The following ATRNL1 variants were observed in gnomAD, a reference collection of about 807,000 sequenced individuals.
ATRNL1 encodes the protein attractin-like protein 1.
In ATRNL1, 95 loss-of-function variants were observed where a neutral mutation model predicts 182.7. The ratio of observed to expected loss-of-function variants is 0.52; its 90% CI spans 0.44 to 0.62. The LOEUF is 0.62. Ranked by LOEUF, ATRNL1 falls within the 20% of genes least tolerant of loss-of-function variation. The pLI is 0.00. For missense variants in ATRNL1, 1,471 were observed against 1,679.5 expected, an observed-to-expected ratio of 0.88 and a Z score of 2.17; for synonymous variants, 576 against 568.3, an observed-to-expected ratio of 1.01 and a Z score of -0.19.
chr10:115,265,174 T>A lies in ATRNL1; in HGVS notation c.1688-19T>A. 6.6e-7 allele frequency: 1 copy of A among 1,513,624 alleles called. No homozygotes were observed. The highest frequency in any genetic ancestry group is 9.1e-7 in the Non-Finnish European group (1 of 1,100,524). The allele number at this position is 1,513,624 out of a possible 1,614,324, so 93.8% of individuals were successfully genotyped here. Reference sequence around the variant, plus strand: ...ATTCTTTTATTTCATTTTTTGTTTTTCTGTTTTCTTTTTTCTAGCTTGTGA... The same window carrying A: ...ATTCTTTTATTTCATTTTTTGTTTTACTGTTTTCTTTTTTCTAGCTTGTGA... On this transcript the variant is annotated intron_variant, in intron 10 of 28. Transcript: ENST00000355044.
intron 7 of ATRNL1, among the ~76,000 whole-genome samples, chr10:115,170,518 C>T (rs1847246289): frequency 6.7e-6 from 1 of 149,964 alleles, no homozygotes; most frequent in African/African-American, 2.5e-5. Context: ...TGGTGAAGAG[C>T]ACGTGATGAA....
chr10:115,797,306 A>T (rs1949676763), intron 27 of ATRNL1, among the ~76,000 whole-genome samples: 1 of 152,126 alleles, frequency 6.6e-6, no homozygotes, highest in Admixed American at 6.5e-5. Flanking sequence ...CTAAAATATG[A>T]CACCTTTTCC....
chr10:115,396,250 T>G (rs797030007), intron 20 of ATRNL1, among the ~76,000 whole-genome samples: 35 of 152,014 alleles, frequency 2.3e-4, no homozygotes, highest in African/African-American at 7.7e-4. Flanking sequence ...GGAATTCCTA[T>G]TAAGGAAGGC....
intron 5 of ATRNL1, among the ~76,000 whole-genome samples, chr10:115,144,572 C>T (rs999329897): frequency 6.6e-6 from 1 of 152,144 alleles, no homozygotes; most frequent in African/African-American, 2.4e-5. Flanking sequence ...GGATTACAGA[C>T]GTGAGCCACC....
intron 24 of ATRNL1, among the ~76,000 whole-genome samples, chr10:115,474,083 C>T (rs1848425643): frequency 6.6e-6 from 1 of 151,200 alleles, no homozygotes; most frequent in Admixed American, 6.6e-5. Context: ...TTTATTATTT[C>T]CTTCCATCTG....
intron 24 of ATRNL1, among the ~76,000 whole-genome samples, chr10:115,500,118 T>G (rs1849746936): frequency 6.6e-6 from 1 of 152,088 alleles, no homozygotes; most frequent in East Asian, 1.9e-4. Context: ...CCTGGATAAT[T>G]GACGTAGGCC....
rs1952710438 is a variant in ATRNL1, at chr10:115,912,416, T to TATTTG, written c.4019-32242_4019-32241insATTTG. Among the ~76,000 whole-genome samples, 135 of 148,192 alleles carry TATTTG rather than the reference T, an allele frequency of 9.1e-4. 1 individual carries two copies. Among genetic ancestry groups the TATTTG allele is most frequent in the African/African-American group, 2.4e-3 (97 of 40,050 alleles). On this transcript the variant is annotated intron_variant, in intron 28 of 28. Transcript: ENST00000355044. Reference sequence around the variant, plus strand: ...GTGAAATACATATATATATATATATTTGTGTGTGTGTGTGTGTGTGTGTGC... The same window carrying TATTTG: ...GTGAAATACATATATATATATATATTATTTGTGTGTGTGTGTGTGTGTGTGTGTGC...
intron 5 of ATRNL1, among the ~76,000 whole-genome samples, chr10:115,134,827 C>T (rs982714076): frequency 7.9e-5 from 12 of 152,270 alleles, no homozygotes; most frequent in African/African-American, 2.9e-4. Flanking sequence ...CATCAAAAAG[C>T]TTATCCACCA....
chr10:115,427,775 A>C (rs1845971018), intron 21 of ATRNL1, among the ~76,000 whole-genome samples: 1 of 151,988 alleles, frequency 6.6e-6, no homozygotes, highest in Non-Finnish European at 1.5e-5. Context: ...CTGTTTCTTT[A>C]ATCTATTTGC....
At chr10:115,526,317 A>G (rs1479905916) in intron 25 of ATRNL1, among the ~76,000 whole-genome samples, 1 of 152,146 alleles carries the variant, frequency 6.6e-6, no homozygotes, top group Admixed American at 6.5e-5. Flanking sequence ...TTCTGCTATC[A>G]GTCATCAGGG....
At chr10:115,103,059 A>T (rs868921719) in intron 1 of ATRNL1, among the ~76,000 whole-genome samples, 11 of 129,618 alleles carry the variant, frequency 8.5e-5, no homozygotes, top group African/African-American at 2.7e-4. Flanking sequence ...TTTTTTTGAG[A>T]TGGAGTCATG....
chr10:115,439,608 C>G (rs545574666), intron 21 of ATRNL1, among the ~76,000 whole-genome samples: 1 of 151,772 alleles, frequency 6.6e-6, no homozygotes, highest in South Asian at 2.1e-4. Flanking sequence ...ACATCCTCCC[C>G]AGAACCTGTG....
chr10:115,096,816 A>T lies in ATRNL1; in HGVS notation c.293+2773A>T. On this transcript the variant is annotated intron_variant, in intron 1 of 28. Transcript: ENST00000355044. ...TGAAAAGAATAAAGCACTCAGAATA[A>T]CAAGCCATTCCTTCCTTACACAGGT... is the stretch of plus-strand genomic sequence containing the variant. 2.6e-6 allele frequency: 3 copies of T among 1,165,552 alleles called. No homozygotes were observed. The South Asian group carries it at 5.3e-5, about 21-fold the overall frequency. The allele number at this position is 1,165,552 out of a possible 1,614,324, so 72.2% of individuals were successfully genotyped here.
chr10:115,243,262 AT>A (rs782223118), intron 10 of ATRNL1, among the ~76,000 whole-genome samples: 1 of 151,950 alleles, frequency 6.6e-6, no homozygotes, highest in African/African-American at 2.4e-5. Context: ...ATGTATTTTT[AT>A]TTTTTTCATA....
intron 20 of ATRNL1, among the ~76,000 whole-genome samples, chr10:115,407,373 A>G (rs1554958501): frequency 4.1e-5 from 6 of 145,758 alleles, no homozygotes; most frequent in Non-Finnish European, 9.1e-5. Context: ...ATCTCTCCTT[A>G]TTTCTCTTTC....
At chr10:115,512,426 G>A (rs1850430325) in intron 24 of ATRNL1, among the ~76,000 whole-genome samples, 1 of 151,594 alleles carries the variant, frequency 6.6e-6, no homozygotes, top group Non-Finnish European at 1.5e-5. Context: ...TTTTAATAAG[G>A]ATATTTGAAG....
intron 26 of ATRNL1, among the ~76,000 whole-genome samples, chr10:115,606,053 A>T (rs1190646855): frequency 6.8e-6 from 1 of 146,172 alleles, no homozygotes; most frequent in African/African-American, 2.8e-5. Flanking sequence ...AGTTTATTGT[A>T]TTCCTATGTA....
intron 26 of ATRNL1, among the ~76,000 whole-genome samples, chr10:115,612,597 G>A (rs953764582): frequency 1.3e-5 from 2 of 152,184 alleles, no homozygotes; most frequent in Non-Finnish European, 2.9e-5. Flanking sequence ...GTTGATGCCA[G>A]GTCCTTGTGG....
intron 8 of ATRNL1, among the ~76,000 whole-genome samples, chr10:115,205,701 A>G (rs536192895): frequency 1.3e-5 from 2 of 152,142 alleles, no homozygotes. Context: ...AAGAATCAAT[A>G]TTTTGTCACA....
Sources: gnomAD v4.1 joint callset for allele counts (sites outside exome capture counted in the v4.1 genomes callset) on GRCh38, gnomAD v4.1.1 for gene constraint, MANE v1.5 for transcripts, NCBI Gene and HGNC (gene_info 2026-07-23, HGNC 2026-07-21) for gene names.